Variants in STAT4 observed in about 807,000 individuals in gnomAD.
STAT4 encodes the protein signal transducer and activator of transcription 4.
A neutral mutation model predicts 110.5 loss-of-function variants in STAT4; 42 were observed. The observed-to-expected ratio is 0.38, with a 90% CI of 0.30 to 0.49. The LOEUF is 0.49. STAT4 is among the 20% of genes least tolerant of loss of function. The pLI, the probability that STAT4 is intolerant of heterozygous loss-of-function variation, is 0.95. For synonymous variants in STAT4, 284 were observed against 302.2 expected, an observed-to-expected ratio of 0.94 and a Z score of 0.63; for missense variants, 632 against 887.9, an observed-to-expected ratio of 0.71 and a Z score of 3.66.
In STAT4 at chr2:191,033,822, T is replaced by G. The variant is rs1334730076; in HGVS notation, c.1715+89A>C. 7.3e-7 allele frequency: 1 copy of G among 1,376,822 alleles called. No homozygotes were observed. 85.3% of individuals were successfully genotyped at this position (1,376,822 alleles called of 1,614,324 possible). On this transcript the variant is annotated intron_variant, in intron 19 of 23. Transcript: ENST00000392320. This position sits in a 1 kb window ranked among gnomAD's most constrained non-coding sequence, Gnocchi z 6.9. ...CTATTTTTTTCTGTGGTACTAAACA[T>G]GCTTAAGAGAAAAAGAAAGAAGAAA... is the stretch of plus-strand genomic sequence containing the variant.
chr2:191,061,211 T>G lies in STAT4; in HGVS notation c.1034+518A>C, dbSNP rs1696838771. On this transcript the variant is annotated intron_variant, in intron 10 of 23. Coordinates refer to ENST00000392320, the MANE Select transcript of STAT4 (RefSeq NM_003151.4). The surrounding 1 kb of genome is among the most constrained non-coding windows in gnomAD (Gnocchi z 6.2). ...ATATGGAAAACTGTGGTATTGGGAG[T>G]TTTTGTGGAAAGTCTAATAAGCCAG... Among the ~76,000 whole-genome samples the G allele has an allele frequency of 6.6e-6, 1 of 151,752 alleles. No individual in the cohort carries two copies. The highest frequency in any genetic ancestry group is 1.5e-5 in the Non-Finnish European group (1 of 67,932).
Position 191,033,004 on chromosome 2 carries a change from G to A in STAT4, c.1998C>T (p.Pro666=). 6.2e-7 allele frequency: 1 copy of A among 1,614,160 alleles called. No individual in the cohort carries two copies. Among genetic ancestry groups the A allele is most frequent in the Non-Finnish European group, 8.5e-7 (1 of 1,180,006 alleles). ...AGTGTTTACCGAAGGCTTTGTCTTT[G>A]GGAATGTCAGGATATAGGTACTTCA... is the stretch of plus-strand genomic sequence containing the variant. The part of the protein sequence containing the change: ...NPLKYLYPDI[P]KDKAFGKHYS... Residue 666 remains proline, a synonymous_variant, in exon 21 of 24, where the codon CCC becomes CCT. Transcript: ENST00000392320. The surrounding 1 kb of genome is among the most constrained non-coding windows in gnomAD (Gnocchi z 6.9).
chr2:191,120,937 A>G (rs1356885281), intron 3 of STAT4, among the ~76,000 whole-genome samples: 1 of 151,866 alleles, frequency 6.6e-6, no homozygotes, highest in Admixed American at 6.6e-5. Context: ...TCATTAAACT[A>G]AAGAGCTTCT....
At chr2:191,041,841 G>C (rs1373311232) in intron 14 of STAT4, among the ~76,000 whole-genome samples, 1 of 152,210 alleles carries the variant, frequency 6.6e-6, no homozygotes, top group African/African-American at 2.4e-5. Context: ...CACCCCTCCA[G>C]ACCTGGGCAC....
intron 1 of STAT4, among the ~76,000 whole-genome samples, chr2:191,149,612 G>C (rs1026234999): frequency 2.6e-5 from 4 of 152,168 alleles, no homozygotes; most frequent in Non-Finnish European, 4.4e-5. Context: ...AATGACGCCT[G>C]CCTAATGTGT....
At position 191,110,892 on chromosome 2, in the gene STAT4, C is replaced by A. The variant is rs1391110361; in HGVS notation, c.274-34567G>T. Among the ~76,000 whole-genome samples, 2 of 151,972 alleles carry A rather than the reference C, an allele frequency of 1.3e-5. No individual in the cohort carries two copies. Among genetic ancestry groups the A allele is most frequent in the African/African-American group, 4.8e-5 (2 of 41,390 alleles). The stretch of plus-strand genomic sequence containing the variant: ...TCTGCCTCCTGGGTTCAAGCGATTC[C>A]CCTGCCTCAGCCTCCTGAGTTGCCG... On this transcript the variant is annotated intron_variant, in intron 3 of 23. Coordinates refer to ENST00000392320, the MANE Select transcript of STAT4 (RefSeq NM_003151.4). This position sits in a 1 kb window ranked among gnomAD's most constrained non-coding sequence, Gnocchi z 4.5.
At chr2:191,119,086 C>A (rs1698649771) in intron 3 of STAT4, among the ~76,000 whole-genome samples, 1 of 152,080 alleles carries the variant, frequency 6.6e-6, no homozygotes, top group Admixed American at 6.5e-5. Flanking sequence ...GGTTTCGATG[C>A]ACAGAGTTAA....
intron 3 of STAT4, among the ~76,000 whole-genome samples, chr2:191,100,378 A>G (rs1038590210): frequency 5.9e-5 from 9 of 152,196 alleles, no homozygotes; most frequent in Non-Finnish European, 8.8e-5. Context: ...GGGCATGAGG[A>G]TGGCCCAGAA....
intron 3 of STAT4, among the ~76,000 whole-genome samples, chr2:191,092,213 A>G (rs1490057061): frequency 6.6e-6 from 1 of 151,916 alleles, no homozygotes; most frequent in African/African-American, 2.4e-5. Flanking sequence ...AGACCAGTCT[A>G]ACCAACATGG....
intron 3 of STAT4, among the ~76,000 whole-genome samples, chr2:191,098,204 G>A (rs528773905): frequency 2.0e-5 from 3 of 152,338 alleles, no homozygotes; most frequent in Admixed American, 6.5e-5. Context: ...AGACAGTGTG[G>A]CGATTCCTCA....
Position 191,054,499 on chromosome 2 carries a change from T to A in STAT4, c.1242A>T (p.Lys414Asn). Residue 414 changes from lysine (K) to asparagine (N), a missense_variant, in exon 14 of 24, where the codon AAA (lysine) becomes AAT (asparagine). Transcript: ENST00000392320. ...AGAAAACATTTCCTACCTCATTTCC[T>A]TTACCTCCAGCACTGGACTTCATTT... The part of the protein sequence containing the change: ...PKEMKSSAGG[K>N]GNEGCHMVTE... The A allele has an allele frequency of 6.2e-7, 1 of 1,611,844 alleles. No homozygotes were observed. Among genetic ancestry groups the A allele is most frequent in the Non-Finnish European group, 8.5e-7 (1 of 1,179,390 alleles).
chr2:191,151,217 A>T, upstream of STAT4: 1 of 985,628 alleles, frequency 1.0e-6, no homozygotes, highest in Non-Finnish European at 1.2e-6. The surrounding 1 kb of genome is among the most constrained non-coding windows in gnomAD (Gnocchi z 4.7). Context: ...TATCCCTCCC[A>T]GCGGCTCTCG....
At chr2:191,120,361 T>C (rs1032752034) in intron 3 of STAT4, among the ~76,000 whole-genome samples, 6 of 152,004 alleles carry the variant, frequency 3.9e-5, no homozygotes, top group Non-Finnish European at 4.4e-5. Context: ...ACAAAACAAT[T>C]TTAAATGATC....
At chr2:191,093,207 C>T (rs1697854571) in intron 3 of STAT4, among the ~76,000 whole-genome samples, 1 of 152,160 alleles carries the variant, frequency 6.6e-6, no homozygotes, top group Admixed American at 6.5e-5. Flanking sequence ...TCTCCCAGCA[C>T]AGTGTTTGAG....
intron 5 of STAT4, among the ~76,000 whole-genome samples, chr2:191,071,748 G>C (rs1697160986): frequency 6.6e-6 from 1 of 152,204 alleles, no homozygotes. Flanking sequence ...GCATTGCTTT[G>C]CCTAAAAGTC....
At position 191,032,372 on chromosome 2, in the gene STAT4, C is replaced by A. The variant is rs1189448020; in HGVS notation, c.2044+586G>T. ...CTTTTATGTATTCAACAAATATTTA[C>A]TGAATCCCTCTTTTAGCCAGACATT... On this transcript the variant is annotated intron_variant, in intron 21 of 23. Coordinates refer to ENST00000392320, the MANE Select transcript of STAT4 (RefSeq NM_003151.4). This position sits in a 1 kb window ranked among gnomAD's most constrained non-coding sequence, Gnocchi z 4.9. 6.6e-6 allele frequency: 1 copy of A among 152,146 alleles called. No homozygotes were observed. Among genetic ancestry groups the A allele is most frequent in the Admixed American group, 6.5e-5 (1 of 15,268 alleles). 9.4% of individuals were successfully genotyped at this position (152,146 alleles called of 1,614,324 possible).
chr2:191,120,796 T>C (rs1698703887), intron 3 of STAT4, among the ~76,000 whole-genome samples: 1 of 152,154 alleles, frequency 6.6e-6, no homozygotes, highest in South Asian at 2.1e-4. Flanking sequence ...ACTTAAATGT[T>C]AGACCTAAAA....
chr2:191,123,398 C>T (rs988747044), intron 3 of STAT4, among the ~76,000 whole-genome samples: 3 of 152,128 alleles, frequency 2.0e-5, no homozygotes, highest in African/African-American at 7.2e-5. Flanking sequence ...CTCTCAGCTT[C>T]CAGAGGTTTA....
rs6749371 is a variant in STAT4, at chr2:191,037,458, A to T, written c.1435-1159T>A. On this transcript the variant is annotated intron_variant, in intron 16 of 23. Coordinates refer to ENST00000392320, the MANE Select transcript of STAT4 (RefSeq NM_003151.4). This position sits in a 1 kb window ranked among gnomAD's most constrained non-coding sequence, Gnocchi z 4.8. ...TGTGTACCATTGTGCCCAGCTAAAT[A>T]AGAGAATATTCTGTGTGATCGACTA... is the stretch of plus-strand genomic sequence containing the variant. Among the ~76,000 whole-genome samples, 11,303 of 152,246 alleles carry T rather than the reference A, an allele frequency of 0.074. 453 individuals carry two copies. The highest frequency in any genetic ancestry group is 0.12 in the Middle Eastern group (35 of 294).
Sources: allele counts gnomAD v4.1 joint callset (sites outside exome capture counted in the v4.1 genomes callset), GRCh38; gene constraint gnomAD v4.1.1; non-coding constraint Gnocchi (gnomAD v3.1); transcripts MANE v1.5; gene names NCBI Gene and HGNC (gene_info 2026-07-23, HGNC 2026-07-21).